Variants in DLG2 observed in about 807,000 individuals in gnomAD.
DLG2 encodes disks large homolog 2.
In DLG2, 45 loss-of-function variants were observed where a neutral mutation model predicts 132.5. That is an observed-to-expected ratio of 0.34 (90% CI 0.27 to 0.44). DLG2 has a LOEUF of 0.44. Ranked by LOEUF, DLG2 falls within the 20% of genes least tolerant of loss-of-function variation. The pLI, the probability that DLG2 is intolerant of heterozygous loss-of-function variation, is 1.00. For missense variants in DLG2, 1,045 were observed against 1,196.9 expected, an observed-to-expected ratio of 0.87 and a Z score of 1.87; for synonymous variants, 424 against 419.6, an observed-to-expected ratio of 1.01 and a Z score of -0.13.
chr11:83,858,347 C>A (rs2060890659), intron 16 of DLG2, among the ~76,000 whole-genome samples: 2 of 152,178 alleles, frequency 1.3e-5, no homozygotes, highest in Non-Finnish European at 2.9e-5. Flanking sequence ...CCACTGAAAT[C>A]ATTCCAGTTT....
intron 4 of DLG2, among the ~76,000 whole-genome samples, chr11:85,276,618 C>CTG (rs1240876775): frequency 2.0e-5 from 3 of 152,024 alleles, no homozygotes; most frequent in Non-Finnish European, 4.4e-5. Flanking sequence ...TGACTCATTC[C>CTG]TGTGTTTTTA....
intron 3 of DLG2, among the ~76,000 whole-genome samples, chr11:85,445,871 A>C (rs963870408): frequency 6.6e-6 from 1 of 152,204 alleles, no homozygotes; most frequent in Non-Finnish European, 1.5e-5. Context: ...GATGGAGGAA[A>C]CCATGGAGGC....
intron 5 of DLG2, among the ~76,000 whole-genome samples, chr11:85,148,873 A>G (rs2077038847): frequency 6.6e-6 from 1 of 152,044 alleles, no homozygotes; most frequent in African/African-American, 2.4e-5. Context: ...CAAGGTTTTT[A>G]TGGTTTTGGG....
intron 3 of DLG2, among the ~76,000 whole-genome samples, chr11:85,492,453 T>C (rs548444397): frequency 6.6e-6 from 1 of 152,312 alleles, no homozygotes; most frequent in South Asian, 2.1e-4. Flanking sequence ...AAAACTGCAG[T>C]GTAAACTTTC....
At chr11:85,306,269 T>G (rs1412588286) in intron 3 of DLG2, among the ~76,000 whole-genome samples, 1 of 152,200 alleles carries the variant, frequency 6.6e-6, no homozygotes, top group East Asian at 1.9e-4. Context: ...AAATATTTAT[T>G]GAGTACTTTC....
chr11:85,422,512 G>A (rs970376807), intron 3 of DLG2, among the ~76,000 whole-genome samples: 4 of 145,790 alleles, frequency 2.7e-5, no homozygotes, highest in South Asian at 2.1e-4. Flanking sequence ...TTTTATAACT[G>A]TGTCCATTGT....
At chr11:85,528,746 A>G (rs1218993956) in intron 3 of DLG2, among the ~76,000 whole-genome samples, 1 of 152,212 alleles carries the variant, frequency 6.6e-6, no homozygotes, top group Non-Finnish European at 1.5e-5. Context: ...CCCTGTGCTT[A>G]GTTTAATTAT....
intron 19 of DLG2, among the ~76,000 whole-genome samples, chr11:83,562,054 A>G (rs920051410): frequency 2.6e-5 from 4 of 151,630 alleles, no homozygotes; most frequent in Non-Finnish European, 5.9e-5. Flanking sequence ...ACGCCCAGCT[A>G]ATTTTTGTAT....
intron 18 of DLG2, among the ~76,000 whole-genome samples, chr11:83,723,146 CGAG>C (rs1231239472): frequency 6.6e-6 from 1 of 151,960 alleles, no homozygotes; most frequent in Non-Finnish European, 1.5e-5. Context: ...TTTGGGAGGC[CGAG>C]GAGGGCAGAT....
intron 4 of DLG2, among the ~76,000 whole-genome samples, chr11:85,155,507 G>A (rs757280438): frequency 3.9e-5 from 6 of 152,106 alleles, no homozygotes; most frequent in Admixed American, 6.6e-5. Context: ...AAAGGGATTC[G>A]TGGAACATCT....
chr11:85,008,967 G>C lies in DLG2; in HGVS notation c.357+102694C>G, dbSNP rs2058925940. Among the ~76,000 whole-genome samples, 3 of 151,996 alleles carry C rather than the reference G, an allele frequency of 2.0e-5. No homozygotes were observed. In the South Asian group the frequency reaches 6.2e-4, roughly 31 times the overall value. ...ATTTGAGTTTGAATCACAAGGATGA[G>C]GTTAGTTCCATGAAAATATAGGGGT... On this transcript the variant is annotated intron_variant, in intron 6 of 27. Transcript: ENST00000376104.
intron 6 of DLG2, among the ~76,000 whole-genome samples, chr11:84,834,236 C>T (rs1387043118): frequency 1.3e-5 from 2 of 151,376 alleles, no homozygotes; most frequent in African/African-American, 4.8e-5. Context: ...AGTTTAGACC[C>T]CAAATCTATT....
At chr11:84,264,836 C>A (rs1209758739) in intron 7 of DLG2, among the ~76,000 whole-genome samples, 5 of 152,144 alleles carry the variant, frequency 3.3e-5, no homozygotes, top group Non-Finnish European at 7.4e-5. Context: ...ATAGGATGAG[C>A]ATCTTCTAGT....
At chr11:84,920,122 A>G (rs566940431) in intron 6 of DLG2, among the ~76,000 whole-genome samples, 9 of 152,344 alleles carry the variant, frequency 5.9e-5, no homozygotes, top group African/African-American at 1.9e-4. Context: ...AATAGGTAGC[A>G]AAGTAAAACA....
intron 7 of DLG2, among the ~76,000 whole-genome samples, chr11:84,454,744 T>C (rs1010587814): frequency 6.6e-6 from 1 of 151,438 alleles, no homozygotes; most frequent in East Asian, 1.9e-4. Context: ...AAAAAGCACA[T>C]TTTGCATGAT....
intron 6 of DLG2, among the ~76,000 whole-genome samples, chr11:84,954,459 T>C (rs1180063018): frequency 6.6e-6 from 1 of 152,218 alleles, no homozygotes; most frequent in African/African-American, 2.4e-5. Flanking sequence ...ACGTTCCTTT[T>C]ATTCATTCAG....
At chr11:84,992,212 T>C (rs965509397) in intron 6 of DLG2, among the ~76,000 whole-genome samples, 51 of 152,316 alleles carry the variant, frequency 3.3e-4, no homozygotes, top group African/African-American at 1.1e-3. Flanking sequence ...TTAAATTACT[T>C]CAATATTTTT....
chr11:85,066,541 C>T (rs117639171), intron 6 of DLG2, among the ~76,000 whole-genome samples: 2,948 of 151,702 alleles, frequency 0.019, 50 homozygotes, highest in Admixed American at 0.041. Flanking sequence ...CAAAAATTCT[C>T]AACAAAATAC....
chr11:84,634,014 A>G (rs1565511421), intron 6 of DLG2, among the ~76,000 whole-genome samples: 1 of 152,212 alleles, frequency 6.6e-6, no homozygotes, highest in Non-Finnish European at 1.5e-5. Flanking sequence ...TAAAGAAAAA[A>G]AGCATACATA....
Sources: allele counts gnomAD v4.1 joint callset (sites outside exome capture counted in the v4.1 genomes callset), GRCh38; gene constraint gnomAD v4.1.1; transcripts MANE v1.5; gene names NCBI Gene and HGNC (gene_info 2026-07-23, HGNC 2026-07-21).